Variants in OTOGL observed in about 807,000 individuals in gnomAD.
OTOGL encodes the protein otogelin like.
Under a neutral mutation model 318.5 loss-of-function variants are expected in OTOGL, and 285 were observed. The observed-to-expected ratio is 0.89, with a 90% CI of 0.81 to 0.99. OTOGL has a LOEUF of 0.99. Among genes scored for constraint, OTOGL ranks in the 50% least tolerant of loss-of-function variants. OTOGL has a pLI of 0.00. For synonymous variants in OTOGL, 987 were observed against 936.5 expected, an observed-to-expected ratio of 1.05 and a Z score of -0.99; for missense variants, 2,899 against 2,845.6, an observed-to-expected ratio of 1.02 and a Z score of -0.43.
At chr12:80,231,896 C>G (rs962418552) in intron 8 of OTOGL, among the ~76,000 whole-genome samples, 8 of 151,798 alleles carry the variant, frequency 5.3e-5, no homozygotes, top group African/African-American at 9.7e-5. Flanking sequence ...CTTGGCCTCC[C>G]AAAGCACTGG....
At position 80,367,607 on chromosome 12, in the gene OTOGL, T is replaced by C. The variant is rs763930731; in HGVS notation, c.6378T>C (p.Pro2126=). 10 of 1,547,878 alleles carry C rather than the reference T, an allele frequency of 6.5e-6. No homozygotes were observed. Among genetic ancestry groups the C allele is most frequent in the Non-Finnish European group, 1.8e-6 (2 of 1,138,618 alleles). Residue 2126 remains proline, a synonymous_variant, in exon 54 of 59, where the codon CCT becomes CCC. Coordinates refer to ENST00000547103, the MANE Select transcript of OTOGL (RefSeq NM_001378609.3). ...TTCAAGAAGTATCAGTATTGAATCC[T>C]GGACAATCCATGATAAAGTATTTGG... ...CVFQEVSVLN[P]GQSMIKYLEE...
chr12:80,181,383 C>T (rs144706039), intron 1 of OTOGL, among the ~76,000 whole-genome samples: 2 of 151,924 alleles, frequency 1.3e-5, no homozygotes, highest in African/African-American at 2.4e-5. Flanking sequence ...CAGACTGGCC[C>T]ACCCCCTTTG....
chr12:80,369,966 A>T (rs1890778752), intron 55 of OTOGL, among the ~76,000 whole-genome samples: 1 of 152,060 alleles, frequency 6.6e-6, no homozygotes, highest in Non-Finnish European at 1.5e-5. Flanking sequence ...TTTAAATAGA[A>T]ATTCTGAAAT....
Position 80,367,676 on chromosome 12 carries a change from TA to T in OTOGL, c.6449del (p.Asn2150ThrfsTer8). The T allele has an allele frequency of 6.7e-7, 1 of 1,497,884 alleles. No individual in the cohort carries two copies. The highest frequency in any genetic ancestry group is 8.9e-7 in the Non-Finnish European group (1 of 1,120,874). 92.8% of individuals were successfully genotyped at this position (1,497,884 alleles called of 1,614,324 possible). ...YAIECLEEKD[N>X]HTGFHTLNFT... ...CTATAGAGTGTCTGGAAGAAAAAGATAACCATACGGGCTTTCACACTCTGAA... is the reference window on the plus strand; with the variant it reads ...CTATAGAGTGTCTGGAAGAAAAAGATACCATACGGGCTTTCACACTCTGAA... On this transcript the variant is annotated frameshift_variant, in exon 54 of 59. Coordinates refer to ENST00000547103, the MANE Select transcript of OTOGL (RefSeq NM_001378609.3). LOFTEE classifies it high-confidence loss of function.
intron 11 of OTOGL, among the ~76,000 whole-genome samples, chr12:80,240,409 TA>T (rs544688068): frequency 9.2e-5 from 14 of 152,024 alleles, no homozygotes; most frequent in Non-Finnish European, 2.1e-4. Flanking sequence ...ATGCACAAAA[TA>T]AAACACATAA....
At chr12:80,253,910 C>T (rs142644986) in intron 14 of OTOGL, among the ~76,000 whole-genome samples, 59 of 152,140 alleles carry the variant, frequency 3.9e-4, no homozygotes, top group Admixed American at 2.2e-3. Context: ...ACATGCCTCT[C>T]CAGATCACCA....
chr12:80,162,676 C>T (rs1013867883), intron 1 of OTOGL, among the ~76,000 whole-genome samples: 3 of 151,964 alleles, frequency 2.0e-5, no homozygotes, highest in Admixed American at 6.6e-5. Flanking sequence ...CTGTCTCTGT[C>T]CAAATTTTCC....
rs757436935 is a variant in OTOGL at position 80,278,264 on chromosome 12, G to T, written c.2778G>T (p.Pro926=). ...TCTCAGGAGAAGTGATTGCTACACC[G>T]TGTTACACCTGGTAAGGAGATCCAT... ...EYLSGEVIAT[P]CYTCVCRRGM... is the part of the protein sequence containing the mutation. The change falls in exon 25 of 59, where the codon CCG becomes CCT. Residue 926 remains proline (P), a synonymous_variant. Coordinates refer to ENST00000547103, the MANE Select transcript of OTOGL (RefSeq NM_001378609.3). 3 of 1,535,558 alleles carry T rather than the reference G, an allele frequency of 2.0e-6. No homozygotes were observed. The highest frequency in any genetic ancestry group is 2.5e-5 in the East Asian group (1 of 40,788).
intron 1 of OTOGL, among the ~76,000 whole-genome samples, chr12:80,208,948 A>G (rs968809199): frequency 2.0e-5 from 3 of 152,264 alleles, no homozygotes; most frequent in East Asian, 3.9e-4. Context: ...GAACATGTAG[A>G]CATCCTAGGA....
At chr12:80,353,590 C>A in intron 46 of OTOGL, 80 bp downstream of exon 46, 2 of 1,130,712 alleles carry the variant, frequency 1.8e-6, no homozygotes, top group Middle Eastern at 3.0e-4. Context: ...CAGAGATGTG[C>A]TAACAAAGGT....
intron 1 of OTOGL, among the ~76,000 whole-genome samples, chr12:80,114,557 A>G (rs1022012046): frequency 6.6e-6 from 1 of 151,920 alleles, no homozygotes; most frequent in Non-Finnish European, 1.5e-5. Flanking sequence ...TTTTTCCACC[A>G]TTTCAACCTT....
intron 1 of OTOGL, among the ~76,000 whole-genome samples, chr12:80,142,720 T>A (rs1872036389): frequency 6.6e-6 from 1 of 152,056 alleles, no homozygotes; most frequent in African/African-American, 2.4e-5. Context: ...ACTGCTTTGG[T>A]TGCATTAGAT....
intron 11 of OTOGL, 126 bp from the exon 12 acceptor site, chr12:80,251,567 A>T (rs1011932441): frequency 1.5e-6 from 1 of 655,792 alleles, no homozygotes; most frequent in African/African-American, 1.8e-5. Context: ...AGTGACACAT[A>T]TGCTGACATC....
At chr12:80,198,881 C>A (rs1040546303) in intron 1 of OTOGL, among the ~76,000 whole-genome samples, 2 of 152,176 alleles carry the variant, frequency 1.3e-5, no homozygotes, top group African/African-American at 2.4e-5. Context: ...AAATAGCTAT[C>A]ATCTCTTGTG....
At chr12:80,259,501 T>C (rs1882348019) in intron 18 of OTOGL, among the ~76,000 whole-genome samples, 1 of 151,918 alleles carries the variant, frequency 6.6e-6, no homozygotes, top group African/African-American at 2.4e-5. Flanking sequence ...CCGCATGCAT[T>C]AGGTATTTGT....
chr12:80,214,143 G>A (rs1403812782), intron 4 of OTOGL, among the ~76,000 whole-genome samples: 2 of 152,184 alleles, frequency 1.3e-5, no homozygotes, highest in African/African-American at 4.8e-5. Flanking sequence ...TACTGCCTGG[G>A]ACTTTTTTGC....
chr12:80,267,220 G>T lies in OTOGL; in HGVS notation c.2391-33G>T, dbSNP rs756180194. The T allele has an allele frequency of 5.2e-5, 72 of 1,388,218 alleles. No homozygotes were observed. The Middle Eastern group carries it at 5.6e-4, about 11-fold the overall frequency. The allele number at this position is 1,388,218 out of a possible 1,614,324, so 86.0% of individuals were successfully genotyped here. A position where few individuals can be genotyped will look rare whatever the true frequency, so the allele number is the denominator to read the frequency against. ...ATTTTAGTGGTTTTTGAAAAAAATT[G>T]TATCCTATTTACTTTACTTTTTCTT... On this transcript the variant is annotated intron_variant, in intron 21 of 58. Coordinates refer to ENST00000547103, the MANE Select transcript of OTOGL (RefSeq NM_001378609.3).
At position 80,328,684 on chromosome 12, in the gene OTOGL, T is replaced by C; in HGVS notation, c.4219T>C (p.Tyr1407His). The change falls in exon 36 of 59, where the codon TAC becomes CAC. Residue 1407 changes from tyrosine (Y) to histidine (H), a missense_variant. Physicochemically the swap from Tyr to His is moderately conservative, Grantham distance 83 (BLOSUM62 2). This residue lies in a region of OTOGL where 2,607 missense variants were observed against 2,524.9 expected (regional missense o/e 1.03). Transcript: ENST00000547103. Reference sequence around the variant, plus strand: ...GTAAAGGGTTGAAGGATGCTTGCCCTACTGCCCTAAAAATATGATCCTTGA... The same window carrying C: ...GTAAAGGGTTGAAGGATGCTTGCCCCACTGCCCTAAAAATATGATCCTTGA... ...FLPPVEGCLPYCPKNMILDEV... is the reference protein window; with the variant it reads ...FLPPVEGCLPHCPKNMILDEV... 1 of 1,604,644 alleles carries C rather than the reference T, an allele frequency of 6.2e-7. No homozygotes were observed. The highest frequency in any genetic ancestry group is 2.2e-5 in the East Asian group (1 of 44,832).
intron 21 of OTOGL, 48 bp from the exon 22 acceptor site, chr12:80,267,205 T>G (rs1306609815): frequency 6.9e-6 from 9 of 1,306,902 alleles, no homozygotes; most frequent in Non-Finnish European, 9.5e-6. Flanking sequence ...ATTTTAGTGG[T>G]TTTTGAAAAA....
Sources: gnomAD v4.1 joint callset for allele counts (sites outside exome capture counted in the v4.1 genomes callset) on GRCh38, gnomAD v4.1.1 for gene constraint, gnomAD v4.1.1 regional missense constraint, MANE v1.5 for transcripts, NCBI Gene and HGNC (gene_info 2026-07-23, HGNC 2026-07-21) for gene names.